IPCEF1: variants seen among roughly 807,000 people sequenced by gnomAD.
IPCEF1 encodes interactor protein for cytohesin exchange factors 1.
Under a neutral mutation model 50.9 loss-of-function variants are expected in IPCEF1, and 31 were observed. The observed-to-expected ratio is 0.61, with a 90% CI of 0.46 to 0.82. The LOEUF is 0.82. Ranked by LOEUF, IPCEF1 falls within the 40% of genes least tolerant of loss-of-function variation. IPCEF1 has a pLI of 0.00. For synonymous variants in IPCEF1, 181 were observed against 192.0 expected (o/e 0.94, Z 0.47); for missense variants, 458 against 514.0 (o/e 0.89, Z 1.05).
chr6:154,242,887 CAAAGA>C (rs10692865), intron 5 of IPCEF1, among the ~76,000 whole-genome samples: 97,252 of 151,444 alleles, frequency 0.64, 31,855 homozygotes, highest in Admixed American at 0.75. Flanking sequence ...GACTCCGTCT[CAAAGA>C]AAAGAAAAGA....
intron 1 of IPCEF1, among the ~76,000 whole-genome samples, chr6:154,348,352 CTG>C (rs1290833933): frequency 2.0e-5 from 3 of 152,162 alleles, no homozygotes; most frequent in African/African-American, 7.2e-5. Flanking sequence ...AGCTGGAAAA[CTG>C]TGAGTGTATT....
chr6:154,188,540 T>A (rs1583747102), intron 10 of IPCEF1, among the ~76,000 whole-genome samples: 2 of 152,252 alleles, frequency 1.3e-5, no homozygotes, highest in African/African-American at 4.8e-5. Flanking sequence ...TGGGTGATTC[T>A]AAAAGGTATA....
In IPCEF1 at chr6:154,328,310, G is replaced by T. The variant is rs147606395; in HGVS notation, c.-62+28362C>A. Among the ~76,000 whole-genome samples, 592 of 152,302 alleles carry T rather than the reference G, an allele frequency of 3.9e-3. 5 individuals are homozygous for T. Among genetic ancestry groups the T allele is most frequent in the African/African-American group, 0.014 (577 of 41,566 alleles). On this transcript the variant is annotated intron_variant, in intron 1 of 11. Transcript: ENST00000367220. ...AGCGTGGCTGATGAACACTAGGCTTGCCCAGTGCTCTGTCAAAAAAGGGAT... is the reference window on the plus strand; with the variant it reads ...AGCGTGGCTGATGAACACTAGGCTTTCCCAGTGCTCTGTCAAAAAAGGGAT...
chr6:154,261,184 A>G (rs6914580), intron 3 of IPCEF1, among the ~76,000 whole-genome samples: 146,669 of 152,054 alleles, frequency 0.96, 70,749 homozygotes, highest in East Asian at 1. Flanking sequence ...ACAGACATGA[A>G]CCAATACGCC....
At chr6:154,211,781 T>C (rs939587227) in intron 9 of IPCEF1, among the ~76,000 whole-genome samples, 6 of 152,186 alleles carry the variant, frequency 3.9e-5, no homozygotes, top group African/African-American at 7.2e-5. Context: ...TTATTTTTCA[T>C]AGCAAAAAGC....
At chr6:154,218,242 C>G (rs180970773) in intron 7 of IPCEF1, among the ~76,000 whole-genome samples, 1 of 152,226 alleles carries the variant, frequency 6.6e-6, no homozygotes, top group Admixed American at 6.5e-5. Flanking sequence ...TGGAGGAGAA[C>G]AAGTTTTAAG....
chr6:154,340,409 G>A (rs62435711), intron 1 of IPCEF1, among the ~76,000 whole-genome samples: 64,410 of 151,464 alleles, frequency 0.43, 14,286 homozygotes, highest in East Asian at 0.73. Context: ...CACCACCAAT[G>A]CCCAGTTAAT....
chr6:154,312,010 C>T (rs949645176), intron 1 of IPCEF1, among the ~76,000 whole-genome samples: 1 of 129,718 alleles, frequency 7.7e-6, no homozygotes, highest in Non-Finnish European at 1.6e-5. Context: ...ATGTCTATAC[C>T]CCCACATTCA....
chr6:154,340,159 G>A (rs1584005996), intron 1 of IPCEF1, among the ~76,000 whole-genome samples: 2 of 152,118 alleles, frequency 1.3e-5, no homozygotes, highest in South Asian at 2.1e-4. Flanking sequence ...GAGGATGCGC[G>A]CCCGTGACAC....
chr6:154,353,258 T>C (rs1784147052), intron 1 of IPCEF1, among the ~76,000 whole-genome samples: 1 of 151,848 alleles, frequency 6.6e-6, no homozygotes, highest in African/African-American at 2.4e-5. Flanking sequence ...TTAAGGAGGG[T>C]TACATTTTTG....
At chr6:154,328,549 C>T (rs1243530198) in intron 1 of IPCEF1, among the ~76,000 whole-genome samples, 2 of 150,784 alleles carry the variant, frequency 1.3e-5, no homozygotes, top group African/African-American at 4.9e-5. Context: ...AGACCAGCCT[C>T]GGCAACATAG....
chr6:154,272,492 T>A (rs1255938203), intron 2 of IPCEF1, among the ~76,000 whole-genome samples: 1 of 152,230 alleles, frequency 6.6e-6, no homozygotes, highest in Non-Finnish European at 1.5e-5. Flanking sequence ...CTTAACAAAC[T>A]ACAACATGAA....
Position 154,199,865 on chromosome 6 carries a change from G to C in IPCEF1, c.713C>G (p.Pro238Arg), listed in dbSNP as rs765934464. ...SLSAAEDEGQ[P>R]ITFAVQVHSP... ...ATGAACTTGCACAGCAAACGTTATT[G>C]GTTGTCCCTCATCTTCAGCAGCAGA... The change falls in exon 10 of 12, where the codon CCA becomes CGA. Residue 238 changes from proline (P) to arginine (R), a missense_variant. Coordinates refer to ENST00000367220, the MANE Select transcript of IPCEF1 (RefSeq NM_001130700.2). 2 of 1,614,174 alleles carry C rather than the reference G, an allele frequency of 1.2e-6. No individual in the cohort carries two copies. Among genetic ancestry groups the C allele is most frequent in the East Asian group, 2.2e-5 (1 of 44,874 alleles).
chr6:154,296,284 A>G (rs1157992694), intron 1 of IPCEF1, among the ~76,000 whole-genome samples: 2 of 152,178 alleles, frequency 1.3e-5, no homozygotes, highest in Admixed American at 1.3e-4. Flanking sequence ...AAGAGCTGCT[A>G]TAAGAAGAGG....
intron 5 of IPCEF1, among the ~76,000 whole-genome samples, chr6:154,233,481 CCA>C (rs1347359706): frequency 1.3e-5 from 2 of 152,158 alleles, no homozygotes; most frequent in Middle Eastern, 3.4e-3. Context: ...AGATTTAGAT[CCA>C]GAGAGACTTT....
At chr6:154,173,726 G>T (rs914200567) in intron 10 of IPCEF1, among the ~76,000 whole-genome samples, 3 of 152,080 alleles carry the variant, frequency 2.0e-5, no homozygotes, top group African/African-American at 7.2e-5. Flanking sequence ...GGGGAGAATG[G>T]GACCAAATTG....
At chr6:154,246,328 G>T (rs1356086806) in intron 5 of IPCEF1, among the ~76,000 whole-genome samples, 1 of 152,094 alleles carries the variant, frequency 6.6e-6, no homozygotes, top group Non-Finnish European at 1.5e-5. Context: ...GAACTTAAAA[G>T]TCTCCTTTAG....
chr6:154,268,414 T>C (rs1032906796), intron 2 of IPCEF1, among the ~76,000 whole-genome samples: 3 of 152,168 alleles, frequency 2.0e-5, no homozygotes, highest in Admixed American at 6.5e-5. Flanking sequence ...TTCTTTTGTA[T>C]CCATTTTACC....
chr6:154,312,282 G>A (rs1262356566), intron 1 of IPCEF1, among the ~76,000 whole-genome samples: 2 of 152,166 alleles, frequency 1.3e-5, no homozygotes, highest in African/African-American at 4.8e-5. Flanking sequence ...AGAGAAACAG[G>A]GAGTATAATG....
Sources: gnomAD v4.1 joint callset for allele counts (sites outside exome capture counted in the v4.1 genomes callset) on GRCh38, gnomAD v4.1.1 for gene constraint, MANE v1.5 for transcripts, NCBI Gene and HGNC (gene_info 2026-07-23, HGNC 2026-07-21) for gene names.